The following ZNF536 variants were observed in gnomAD, a reference collection of about 807,000 sequenced individuals.
ZNF536 encodes the protein zinc finger protein 536.
In ZNF536, 13 loss-of-function variants were observed where a neutral mutation model predicts 84.5. That is an observed-to-expected ratio of 0.15 (90% CI 0.10 to 0.24). ZNF536 has a LOEUF of 0.24. Ranked by LOEUF, ZNF536 falls within the 10% of genes least tolerant of loss-of-function variation. ZNF536 has a pLI of 1.00. For missense variants in ZNF536, 1,536 were observed against 1,747.5 expected, an observed-to-expected ratio of 0.88 and a Z score of 2.16; for synonymous variants, 811 against 742.5, an observed-to-expected ratio of 1.09 and a Z score of -1.50.
intron 2 of ZNF536, among the ~76,000 whole-genome samples, chr19:30,316,208 A>G (rs2046673000): frequency 6.6e-6 from 1 of 152,194 alleles, no homozygotes; most frequent in Admixed American, 6.5e-5. Flanking sequence ...CCTTCCAAGT[A>G]ATGTTGTTTG....
intron 2 of ZNF536, among the ~76,000 whole-genome samples, chr19:30,284,592 CTCAA>C (rs1408048330): frequency 6.6e-6 from 1 of 152,206 alleles, no homozygotes; most frequent in Non-Finnish European, 1.5e-5. Flanking sequence ...TGTTTGTCAC[CTCAA>C]TCAGACTCCA....
At chr19:30,428,318 A>G (rs551124876) in intron 1 of ZNF536, among the ~76,000 whole-genome samples, 2 of 152,308 alleles carry the variant, frequency 1.3e-5, no homozygotes, top group South Asian at 2.1e-4. Context: ...CGCTGCTTCA[A>G]GTACTTCCTA....
At chr19:30,423,473 GA>G (rs1251883649) in intron 1 of ZNF536, among the ~76,000 whole-genome samples, 1 of 152,218 alleles carries the variant, frequency 6.6e-6, no homozygotes, top group African/African-American at 2.4e-5. Flanking sequence ...GACAGAAATG[GA>G]ACAAGTGGCT....
intron 1 of ZNF536, among the ~76,000 whole-genome samples, chr19:30,570,666 T>A (rs2096598638): frequency 6.6e-6 from 1 of 151,994 alleles, no homozygotes; most frequent in African/African-American, 2.4e-5. Context: ...CGGAAAACAG[T>A]CAGAACATAA....
intron 1 of ZNF536, among the ~76,000 whole-genome samples, chr19:30,669,884 T>C (rs2050477143): frequency 6.6e-6 from 1 of 152,228 alleles, no homozygotes; most frequent in African/African-American, 2.4e-5. Context: ...TGCTGAGTGC[T>C]AGGCTGGAGG....
intron 1 of ZNF536, among the ~76,000 whole-genome samples, chr19:30,576,214 G>T (rs1159588738): frequency 6.6e-6 from 1 of 152,204 alleles, no homozygotes; most frequent in Non-Finnish European, 1.5e-5. Flanking sequence ...GGGCGTGGGG[G>T]ACCCATGGGT....
chr19:30,268,971 T>C (rs2025670704), intron 1 of ZNF536, among the ~76,000 whole-genome samples: 1 of 152,226 alleles, frequency 6.6e-6, no homozygotes, highest in Non-Finnish European at 1.5e-5. Context: ...TGCATATAAT[T>C]ATGGTCCTGA....
At chr19:30,293,451 G>A (rs1350614663) in intron 2 of ZNF536, among the ~76,000 whole-genome samples, 1 of 152,160 alleles carries the variant, frequency 6.6e-6, no homozygotes, top group Non-Finnish European at 1.5e-5. Context: ...GGAAATGGCT[G>A]GTCTTGCGTC....
chr19:30,242,381 G>C (rs148763351), intron 1 of ZNF536, among the ~76,000 whole-genome samples: 2 of 152,136 alleles, frequency 1.3e-5, no homozygotes, highest in South Asian at 2.1e-4. Flanking sequence ...GCTTTAGGGG[G>C]TATCCGTTCA....
chr19:30,393,264 G>A (rs2049675369), intron 1 of ZNF536, among the ~76,000 whole-genome samples: 1 of 152,116 alleles, frequency 6.6e-6, no homozygotes, highest in South Asian at 2.1e-4. Flanking sequence ...GAACTACCAG[G>A]ATACATATGA....
chr19:30,686,464 T>C (rs2147869308), intron 1 of ZNF536, among the ~76,000 whole-genome samples: 1 of 152,260 alleles, frequency 6.6e-6, no homozygotes, highest in African/African-American at 2.4e-5. Flanking sequence ...GCACTGACAA[T>C]GGAAGCTGCA....
At chr19:30,703,158 G>T (rs898190233) in intron 1 of ZNF536, among the ~76,000 whole-genome samples, 1 of 152,192 alleles carries the variant, frequency 6.6e-6, no homozygotes, top group Admixed American at 6.5e-5. Context: ...AGTCCAGATC[G>T]AGGAGACGAT....
chr19:30,656,031 C>A (rs184626440), intron 1 of ZNF536, among the ~76,000 whole-genome samples: 1 of 151,374 alleles, frequency 6.6e-6, no homozygotes, highest in Non-Finnish European at 1.5e-5. Context: ...AGAGCAAGAC[C>A]GTGTTTCATA....
intron 1 of ZNF536, among the ~76,000 whole-genome samples, chr19:30,384,322 TCCCC>T (rs2049246274): frequency 4.8e-5 from 1 of 21,028 alleles, no homozygotes; most frequent in African/African-American, 2.7e-4. Context: ...TCCCTTCCCC[TCCCC>T]TCCCCTCCCC....
intron 1 of ZNF536, among the ~76,000 whole-genome samples, chr19:30,438,972 C>A (rs1649492010): frequency 6.6e-6 from 1 of 152,156 alleles, no homozygotes; most frequent in Non-Finnish European, 1.5e-5. Context: ...TCCCTTCCAA[C>A]AGGTCTTATC....
intron 1 of ZNF536, among the ~76,000 whole-genome samples, chr19:30,577,700 C>T (rs2046788084): frequency 6.6e-6 from 1 of 152,152 alleles, no homozygotes; most frequent in African/African-American, 2.4e-5. Flanking sequence ...CACATGTAAC[C>T]TAATTTTCAT....
chr19:30,609,895 TATCCATCCATCCATCC>T (rs202076068), intron 1 of ZNF536, among the ~76,000 whole-genome samples: 80 of 140,968 alleles, frequency 5.7e-4, no homozygotes, highest in African/African-American at 1.8e-3. Flanking sequence ...TCCACCCATT[TATCCATCCATCCATCC>T]ATCCATCCAT....
rs146023057 is a variant in ZNF536, at chr19:30,353,338, G to T, written c.-3+854G>T. 7.8e-4 allele frequency among the ~76,000 whole-genome samples: 118 copies of T among 152,182 alleles called. 1 individual carries two copies. The highest frequency in any genetic ancestry group is 1.6e-3 in the Admixed American group (24 of 15,302). The stretch of plus-strand genomic sequence containing the variant: ...TGGTGCTACGGCCTCGTGTAATATC[G>T]TAGGAGAAAAATATCTGCAGCGTAA... On this transcript the variant is annotated intron_variant, in intron 3 of 5. Coordinates refer to the ZNF536 transcript ENST00000585628.
chr19:30,273,555 C>G (rs1210557806), intron 1 of ZNF536, among the ~76,000 whole-genome samples: 1 of 152,176 alleles, frequency 6.6e-6, no homozygotes, highest in Non-Finnish European at 1.5e-5. Context: ...CGTACCTGTT[C>G]AGATCTTTTG....
Sources: gnomAD v4.1 joint callset for allele counts (sites outside exome capture counted in the v4.1 genomes callset) on GRCh38, gnomAD v4.1.1 for gene constraint, MANE v1.5 for transcripts, NCBI Gene and HGNC (gene_info 2026-07-23, HGNC 2026-07-21) for gene names.